The following COLEC12 variants were observed in gnomAD, a reference collection of about 807,000 sequenced individuals.
The protein encoded by COLEC12 is collectin-12.
A neutral mutation model predicts 71.1 loss-of-function variants in COLEC12; 33 were observed. The ratio of observed to expected loss-of-function variants is 0.46; its 90% CI spans 0.35 to 0.62. COLEC12 has a LOEUF of 0.62. Among genes scored for constraint, COLEC12 ranks in the 20% least tolerant of loss-of-function variants. The pLI, the probability that COLEC12 is intolerant of heterozygous loss-of-function variation, is 0.00. For missense variants in COLEC12, 765 were observed against 916.1 expected, an observed-to-expected ratio of 0.84 and a Z score of 2.13; for synonymous variants, 350 against 353.0, an observed-to-expected ratio of 0.99 and a Z score of 0.10.
intron 2 of COLEC12, among the ~76,000 whole-genome samples, chr18:380,242 C>T (rs1010722035): frequency 4.6e-5 from 7 of 152,204 alleles, no homozygotes; most frequent in African/African-American, 1.7e-4. Context: ...AGAGTACTGG[C>T]AGCTTGCAGA....
At chr18:421,299 T>G (rs1004977267) in intron 2 of COLEC12, among the ~76,000 whole-genome samples, 1 of 152,212 alleles carries the variant, frequency 6.6e-6, no homozygotes, top group African/African-American at 2.4e-5. Flanking sequence ...TATGACTCAT[T>G]CCTATCTTGA....
At chr18:324,504 AAT>A (rs751611495) in intron 8 of COLEC12, among the ~76,000 whole-genome samples, 1 of 152,078 alleles carries the variant, frequency 6.6e-6, no homozygotes, top group South Asian at 2.1e-4. Context: ...ACACACATCA[AAT>A]ATATATATCT....
intron 2 of COLEC12, among the ~76,000 whole-genome samples, chr18:416,204 AC>A (rs566611064): frequency 6.6e-6 from 1 of 151,998 alleles, no homozygotes; most frequent in Non-Finnish European, 1.5e-5. Flanking sequence ...AAGTGTTGAC[AC>A]CCCCCCAAAA....
intron 2 of COLEC12, among the ~76,000 whole-genome samples, chr18:378,942 C>G (rs1211434078): frequency 6.6e-6 from 1 of 152,098 alleles, no homozygotes; most frequent in Non-Finnish European, 1.5e-5. Flanking sequence ...ACTTCACACC[C>G]AAACTGCCAG....
chr18:478,758 T>C (rs1480742502), intron 2 of COLEC12, among the ~76,000 whole-genome samples: 2 of 152,240 alleles, frequency 1.3e-5, no homozygotes, highest in Admixed American at 1.3e-4. Context: ...GTCTCTTTCA[T>C]AGACTATTCC....
intron 2 of COLEC12, among the ~76,000 whole-genome samples, chr18:439,381 G>C (rs1916468391): frequency 6.6e-6 from 1 of 152,066 alleles, no homozygotes; most frequent in South Asian, 2.1e-4. Flanking sequence ...AATGGAAAGA[G>C]GTATCTAGGC....
chr18:402,867 C>T (rs907418272), intron 2 of COLEC12, among the ~76,000 whole-genome samples: 1 of 152,022 alleles, frequency 6.6e-6, no homozygotes, highest in African/African-American at 2.4e-5. Flanking sequence ...GTCAGTGTCC[C>T]TGTTCCTGAC....
At chr18:356,073 A>G (rs915559872) in intron 3 of COLEC12, among the ~76,000 whole-genome samples, 5 of 152,178 alleles carry the variant, frequency 3.3e-5, no homozygotes, top group Admixed American at 3.3e-4. Context: ...ATGGGACTAA[A>G]AGTCCCGACT....
chr18:499,814 G>A (rs958137710), intron 1 of COLEC12, among the ~76,000 whole-genome samples: 5 of 152,216 alleles, frequency 3.3e-5, no homozygotes, highest in African/African-American at 1.2e-4. Context: ...CCGGCCTGCA[G>A]AGGACACCGC....
At chr18:343,642 C>A (rs1473704562) in intron 5 of COLEC12, among the ~76,000 whole-genome samples, 1 of 152,136 alleles carries the variant, frequency 6.6e-6, no homozygotes, top group East Asian at 1.9e-4. Flanking sequence ...TCTGGGGTGA[C>A]CGGGTACCGT....
intron 6 of COLEC12, 42 bp downstream of exon 6, chr18:334,700 C>T (rs374204671): frequency 2.8e-6 from 4 of 1,445,174 alleles, no homozygotes; most frequent in African/African-American, 3.0e-5. Context: ...CAAGCACATG[C>T]ACTGCCCTGT....
At chr18:435,587 G>T (rs150738416) in intron 2 of COLEC12, among the ~76,000 whole-genome samples, 353 of 102,082 alleles carry the variant, frequency 3.5e-3, no homozygotes, top group African/African-American at 0.011. Context: ...CATATCAGAA[G>T]TTAAATCCAA....
At chr18:355,270 G>C (rs1271536028) in intron 3 of COLEC12, among the ~76,000 whole-genome samples, 3 of 152,164 alleles carry the variant, frequency 2.0e-5, no homozygotes, top group African/African-American at 7.2e-5. Context: ...GGGGCTAAGA[G>C]TAAATGCTGG....
Position 408,696 on chromosome 18 carries a change from G to A in COLEC12, c.59-51174C>T, listed in dbSNP as rs1223824870. On this transcript the variant is annotated intron_variant, in intron 2 of 9. Transcript: ENST00000400256. This position sits in a 1 kb window ranked among gnomAD's most constrained non-coding sequence, Gnocchi z 4.3. ...TTAAGTCAAATTTCAGACAGAGGAA[G>A]TAGGTCTAAATTCATTAATGTGTAT... Among the ~76,000 whole-genome samples the A allele has an allele frequency of 6.6e-6, 1 of 152,106 alleles. No individual in the cohort carries two copies. Among genetic ancestry groups the A allele is most frequent in the Non-Finnish European group, 1.5e-5 (1 of 68,008 alleles).
Position 334,831 on chromosome 18 carries a change from G to C in COLEC12, c.1727C>G (p.Pro576Arg). The C allele has an allele frequency of 6.6e-7, 1 of 1,519,050 alleles. No homozygotes were observed. Among genetic ancestry groups the C allele is most frequent in the Middle Eastern group, 2.3e-4 (1 of 4,306 alleles). 94.1% of individuals were successfully genotyped at this position (1,519,050 alleles called of 1,614,324 possible). ...GLPGVPGMPG[P>R]KGPPGPPGPS... ...GCCAGGAGGGCCGGGGGGGCCCTTG[G>C]GGCCTGGCATGCCTGGTACCCCAGG... The change falls in exon 6 of 10, where the codon CCC becomes CGC. Residue 576 changes from proline to arginine, a missense_variant. By Grantham distance (103) the Pro-to-Arg change is moderately radical. Coordinates refer to ENST00000400256, the MANE Select transcript of COLEC12 (RefSeq NM_130386.3).
At chr18:468,079 T>C (rs1487859951) in intron 2 of COLEC12, among the ~76,000 whole-genome samples, 1 of 151,998 alleles carries the variant, frequency 6.6e-6, no homozygotes, top group African/African-American at 2.4e-5. Flanking sequence ...CTGGCCAATA[T>C]GGTGAAACCC....
intron 2 of COLEC12, among the ~76,000 whole-genome samples, chr18:464,157 A>C (rs1328097172): frequency 6.6e-6 from 1 of 152,158 alleles, no homozygotes; most frequent in Non-Finnish European, 1.5e-5. Context: ...TCTTTACCAC[A>C]AACCTCCACG....
chr18:421,507 C>T (rs1445600910), intron 2 of COLEC12, among the ~76,000 whole-genome samples: 2 of 152,026 alleles, frequency 1.3e-5, no homozygotes, highest in African/African-American at 4.8e-5. Context: ...CAGACATGAA[C>T]GACTCAGAGG....
intron 2 of COLEC12, among the ~76,000 whole-genome samples, chr18:424,738 G>A (rs575865211): frequency 3.9e-5 from 6 of 152,314 alleles, no homozygotes; most frequent in Admixed American, 1.3e-4. Flanking sequence ...TAAGTCACTC[G>A]TCAATGTACT....
Sources: allele counts gnomAD v4.1 joint callset (sites outside exome capture counted in the v4.1 genomes callset), GRCh38; gene constraint gnomAD v4.1.1; non-coding constraint Gnocchi (gnomAD v3.1); transcripts MANE v1.5; gene names NCBI Gene and HGNC (gene_info 2026-07-23, HGNC 2026-07-21).